GPATCH2: variants seen among roughly 807,000 people sequenced by gnomAD.
GPATCH2 encodes G-patch domain containing 2.
In GPATCH2, 51 loss-of-function variants were observed where a neutral mutation model predicts 58.0. The observed-to-expected ratio is 0.88, with a 90% CI of 0.70 to 1.11. The LOEUF (loss-of-function observed/expected upper bound fraction) is 1.11, where lower values mean the gene tolerates loss of function less well. Ranked by LOEUF, GPATCH2 falls within the 50% of genes most tolerant of loss-of-function variation. GPATCH2 has a pLI of 0.00. For synonymous variants in GPATCH2, 222 were observed against 218.5 expected (o/e 1.02, Z -0.14); for missense variants, 625 against 652.2 (o/e 0.96, Z 0.45).
rs1428469761 is a variant in GPATCH2 at position 217,584,454 on chromosome 1, G to A, written c.1098+25867C>T. Among the ~76,000 whole-genome samples, 8 of 151,078 alleles carry A rather than the reference G, an allele frequency of 5.3e-5. No homozygotes were observed. The Admixed American group carries it at 5.3e-4, about 10-fold the overall frequency. On this transcript the variant is annotated intron_variant, in intron 5 of 9. Transcript: ENST00000366935. Reference sequence around the variant, plus strand: ...TGAGGCAGGAGAGTTGCTTGAACCCGGGAGGCGGAGGTTGCAGTGAGCCTA... The same window carrying A: ...TGAGGCAGGAGAGTTGCTTGAACCCAGGAGGCGGAGGTTGCAGTGAGCCTA...
chr1:217,523,777 G>A, intron 5 of GPATCH2, among the ~76,000 whole-genome samples: 1 of 146,898 alleles, frequency 6.8e-6, no homozygotes, highest in Admixed American at 6.8e-5. Flanking sequence ...TCACCTCCCG[G>A]ACGGGGCGGC....
chr1:217,450,453 TAC>T (rs1659609054), intron 8 of GPATCH2, among the ~76,000 whole-genome samples: 1 of 151,930 alleles, frequency 6.6e-6, no homozygotes, highest in South Asian at 2.1e-4. Flanking sequence ...TGCTGGAGAG[TAC>T]AGTTATTTCA....
chr1:217,500,235 G>A (rs569235811), intron 6 of GPATCH2, among the ~76,000 whole-genome samples: 8 of 151,756 alleles, frequency 5.3e-5, no homozygotes, highest in Non-Finnish European at 1.0e-4. Flanking sequence ...TCTTATCACT[G>A]TTAGTTTTCA....
chr1:217,585,180 C>T (rs536096013), intron 5 of GPATCH2, among the ~76,000 whole-genome samples: 1 of 151,936 alleles, frequency 6.6e-6, no homozygotes, highest in Non-Finnish European at 1.5e-5. Context: ...TTTTCTTCTA[C>T]AATTTGCTTT....
chr1:217,543,419 A>G (rs1369332934), intron 5 of GPATCH2, among the ~76,000 whole-genome samples: 1 of 151,666 alleles, frequency 6.6e-6, no homozygotes, highest in Non-Finnish European at 1.5e-5. Flanking sequence ...ACAGGCGCCC[A>G]CCACCTCGCC....
intron 5 of GPATCH2, among the ~76,000 whole-genome samples, chr1:217,597,897 C>A (rs1335083066): frequency 4.6e-5 from 7 of 152,152 alleles, no homozygotes; most frequent in African/African-American, 1.7e-4. Context: ...TCTAGCAAGC[C>A]CTGCATCTGC....
chr1:217,551,492 T>C (rs1665357042), intron 5 of GPATCH2, among the ~76,000 whole-genome samples: 2 of 152,090 alleles, frequency 1.3e-5, no homozygotes, highest in African/African-American at 4.8e-5. Context: ...CATAGTACAG[T>C]TGAATACCAC....
chr1:217,592,132 C>T (rs1667623007), intron 5 of GPATCH2, among the ~76,000 whole-genome samples: 2 of 151,910 alleles, frequency 1.3e-5, no homozygotes, highest in South Asian at 4.1e-4. Flanking sequence ...GTACGTAGCC[C>T]AAATAATTAA....
intron 8 of GPATCH2, among the ~76,000 whole-genome samples, chr1:217,461,069 G>A (rs1258216995): frequency 1.3e-5 from 2 of 152,128 alleles, no homozygotes; most frequent in South Asian, 2.1e-4. Flanking sequence ...CATTTTCTGA[G>A]TAGGACTACT....
intron 1 of GPATCH2, among the ~76,000 whole-genome samples, chr1:217,623,790 G>A (rs1481030207): frequency 1.3e-5 from 2 of 151,244 alleles, no homozygotes; most frequent in African/African-American, 2.4e-5. Flanking sequence ...TAATCCTAGC[G>A]ACTCGGGAGG....
intron 9 of GPATCH2, among the ~76,000 whole-genome samples, chr1:217,443,815 T>A (rs888824049): frequency 2.0e-5 from 3 of 152,240 alleles, no homozygotes; most frequent in African/African-American, 4.8e-5. Context: ...CATTCAGTGA[T>A]TTGCACAGTT....
At chr1:217,499,417 G>A (rs987779931) in intron 6 of GPATCH2, among the ~76,000 whole-genome samples, 5 of 152,172 alleles carry the variant, frequency 3.3e-5, no homozygotes, top group Admixed American at 6.6e-5. Context: ...CTGCAGAAGG[G>A]CAAGGGGCTA....
At chr1:217,440,830 A>G (rs1463242206) in intron 9 of GPATCH2, among the ~76,000 whole-genome samples, 1 of 152,228 alleles carries the variant, frequency 6.6e-6, no homozygotes, top group Non-Finnish European at 1.5e-5. Flanking sequence ...AAGGAGAAAT[A>G]CAAACCACTG....
At chr1:217,545,668 TTG>T (rs1347252118) in intron 5 of GPATCH2, among the ~76,000 whole-genome samples, 1 of 152,182 alleles carries the variant, frequency 6.6e-6, no homozygotes, top group Non-Finnish European at 1.5e-5. Context: ...TTTTTCTGTG[TTG>T]TCCATGGCTC....
At chr1:217,585,141 T>C (rs1667278455) in intron 5 of GPATCH2, among the ~76,000 whole-genome samples, 1 of 152,174 alleles carries the variant, frequency 6.6e-6, no homozygotes, top group South Asian at 2.1e-4. Flanking sequence ...GTTTGGGTAC[T>C]ATTTATAAGA....
chr1:217,433,398 T>A (rs760225428), intron 9 of GPATCH2, among the ~76,000 whole-genome samples: 2,579 of 74,238 alleles, frequency 0.035, 91 homozygotes, highest in African/African-American at 0.12. Context: ...ATTTATTTAT[T>A]TATTTATTTA....
chr1:217,455,163 G>GTT (rs1202166634), intron 8 of GPATCH2, among the ~76,000 whole-genome samples: 1 of 152,074 alleles, frequency 6.6e-6, no homozygotes, highest in Non-Finnish European at 1.5e-5. Context: ...TAGTACTTGG[G>GTT]TTTCAGTAAT....
intron 6 of GPATCH2, among the ~76,000 whole-genome samples, chr1:217,505,384 A>G (rs1000258971): frequency 6.9e-6 from 1 of 145,412 alleles, no homozygotes; most frequent in Admixed American, 7.2e-5. Flanking sequence ...TTTTTTTAAG[A>G]ATGACTGGAA....
chr1:217,462,235 T>C, intron 8 of GPATCH2, among the ~76,000 whole-genome samples: 1 of 152,204 alleles, frequency 6.6e-6, no homozygotes, highest in Non-Finnish European at 1.5e-5. Flanking sequence ...AAATATAAAC[T>C]GTCTTTTCCT....
Sources: gnomAD v4.1 joint callset for allele counts (sites outside exome capture counted in the v4.1 genomes callset) on GRCh38, gnomAD v4.1.1 for gene constraint, MANE v1.5 for transcripts, NCBI Gene and HGNC (gene_info 2026-07-23, HGNC 2026-07-21) for gene names.